The following URM1 variants were observed in gnomAD, a reference collection of about 807,000 sequenced individuals.
The protein encoded by URM1 is ubiquitin-related modifier 1.
URM1 carries 11 observed loss-of-function variants against 17.7 expected under a neutral mutation model. That is an observed-to-expected ratio of 0.62 (90% CI 0.39 to 1.03). The LOEUF is 1.03. Ranked by LOEUF, URM1 falls within the 50% of genes least tolerant of loss-of-function variation. The pLI, the probability that URM1 is intolerant of heterozygous loss-of-function variation, is 0.00. For missense variants in URM1, 128 were observed against 129.2 expected (o/e 0.99, Z 0.04); for synonymous variants, 48 against 50.6 (o/e 0.95, Z 0.22).
At chr9:128,378,235 G>A (rs759804508) in intron 2 of URM1, 129 bp downstream of exon 2, 1 of 663,626 alleles carries the variant, frequency 1.5e-6, no homozygotes, top group Non-Finnish European at 2.5e-6. Flanking sequence ...GCAGGCAGAG[G>A]AATAAAAACA....
At chr9:128,373,290 T>C (rs1046700316) in intron 1 of URM1, among the ~76,000 whole-genome samples, 1 of 151,814 alleles carries the variant, frequency 6.6e-6, no homozygotes, top group African/African-American at 2.4e-5. Context: ...GTTCCTTCTC[T>C]CTTTGTCCTT....
rs900482250 is a variant in URM1, at chr9:128,387,494, C to T, written c.107-322C>T. ...GCTTCCAGGACTTGTGGGTAGGGGC[C>T]TGTCTCCTAACCCTTTAGATGCGAC... On this transcript the variant is annotated intron_variant, in intron 2 of 4. Transcript: ENST00000372853. This position sits in a 1 kb window ranked among gnomAD's most constrained non-coding sequence, Gnocchi z 4.3. 1.3e-5 allele frequency among the ~76,000 whole-genome samples: 2 copies of T among 152,168 alleles called. No homozygotes were observed. The highest frequency in any genetic ancestry group is 4.8e-5 in the African/African-American group (2 of 41,428).
chr9:128,385,939 C>G (rs1007291761), intron 2 of URM1, among the ~76,000 whole-genome samples: 1 of 152,150 alleles, frequency 6.6e-6, no homozygotes, highest in Non-Finnish European at 1.5e-5. Flanking sequence ...TAAATGAGCC[C>G]GCACTGGGCA....
intron 1 of URM1, among the ~76,000 whole-genome samples, chr9:128,373,549 C>G (rs963481942): frequency 1.3e-5 from 2 of 152,174 alleles, no homozygotes; most frequent in African/African-American, 4.8e-5. Context: ...CACCTTCCTT[C>G]TTGTCAGTGA....
In URM1 at chr9:128,392,005, G is replaced by A. The variant is rs138173359; in HGVS notation, c.*2271G>A. ...TGAGGAAATAAACAAATAAAACCCC[G>A]CTATCTCCGAAGATTTTTCTTTAAT... On this transcript the variant is annotated 3_prime_UTR_variant, in exon 5 of 5. Transcript: ENST00000372853. The surrounding 1 kb of genome is among the most constrained non-coding windows in gnomAD (Gnocchi z 6.5). 6.6e-6 allele frequency: 1 copy of A among 152,388 alleles called. No individual in the cohort carries two copies. Among genetic ancestry groups the A allele is most frequent in the East Asian group, 1.9e-4 (1 of 5,178 alleles). 9.4% of individuals were successfully genotyped at this position (152,388 alleles called of 1,614,324 possible).
intron 2 of URM1, among the ~76,000 whole-genome samples, chr9:128,384,158 A>G (rs1833197114): frequency 6.6e-6 from 1 of 152,218 alleles, no homozygotes; most frequent in Non-Finnish European, 1.5e-5. Context: ...AAGGCCATCG[A>G]GCACACAGCC....
At chr9:128,378,009 G>A in intron 1 of URM1, 27 bp from the exon 2 acceptor site, 1 of 1,610,184 alleles carries the variant, frequency 6.2e-7, no homozygotes, top group Non-Finnish European at 8.5e-7. Context: ...TCACCTGGCT[G>A]TCTTTTTCTC....
At chr9:128,379,867 CTTTG>C (rs1210299945) in intron 2 of URM1, among the ~76,000 whole-genome samples, 5 of 152,066 alleles carry the variant, frequency 3.3e-5, no homozygotes, top group African/African-American at 1.2e-4. Context: ...AATCCTAACA[CTTTG>C]GGAGTCTGAG....
chr9:128,371,529 G>T (rs1833012556), intron 1 of URM1, 114 bp downstream of exon 1: 1 of 1,072,856 alleles, frequency 9.3e-7, no homozygotes, highest in Non-Finnish European at 1.4e-6. Context: ...CCCAGTGCCC[G>T]CTGTGAGCTA....
Position 128,387,672 on chromosome 9 carries a change from T to C in URM1, c.107-144T>C, listed in dbSNP as rs935222330. The C allele has an allele frequency of 1.0e-5, 14 of 1,372,660 alleles. No homozygotes were observed. The highest frequency in any genetic ancestry group is 1.2e-5 in the Non-Finnish European group (12 of 1,011,316). The allele number at this position is 1,372,660 out of a possible 1,614,324, so 85.0% of individuals were successfully genotyped here. ...AACCTGTTTCCTCACCTTTGGAATC[T>C]ACAAGTTCATGGGCTATCACAGCCT... On this transcript the variant is annotated intron_variant, in intron 2 of 4. Coordinates refer to ENST00000372853, the MANE Select transcript of URM1 (RefSeq NM_030914.4). This position sits in a 1 kb window ranked among gnomAD's most constrained non-coding sequence, Gnocchi z 4.3.
intron 3 of URM1, chr9:128,388,142 T>G: frequency 7.7e-7 from 1 of 1,306,754 alleles, no homozygotes; most frequent in Non-Finnish European, 9.7e-7. Flanking sequence ...GCCCTCTGGT[T>G]GCCACAGACT....
At chr9:128,377,991 G>A in intron 1 of URM1, 45 bp from the exon 2 acceptor site, 1 of 1,607,772 alleles carries the variant, frequency 6.2e-7, no homozygotes. Context: ...CTTCCTATTT[G>A]CAGGAGCTCA....
intron 3 of URM1, 128 bp downstream of exon 3, chr9:128,388,025 G>C: frequency 7.0e-7 from 1 of 1,422,846 alleles, no homozygotes; most frequent in Non-Finnish European, 9.2e-7. Flanking sequence ...AACTCTTCCA[G>C]CTCTGAGATC....
intron 2 of URM1, among the ~76,000 whole-genome samples, chr9:128,382,135 A>C (rs147270344): frequency 1.3e-5 from 2 of 152,220 alleles, no homozygotes; most frequent in Non-Finnish European, 1.5e-5. Context: ...TCTGGGAAGA[A>C]AGGAGGGGAG....
intron 1 of URM1, among the ~76,000 whole-genome samples, chr9:128,374,930 A>G (rs1193365635): frequency 1.3e-5 from 2 of 152,222 alleles, no homozygotes; most frequent in Admixed American, 6.5e-5. Flanking sequence ...GTGCTGGGAC[A>G]CAGAAATGAA....
intron 4 of URM1, 22 bp downstream of exon 4, chr9:128,389,331 C>T: frequency 1.2e-6 from 2 of 1,613,882 alleles, no homozygotes; most frequent in Non-Finnish European, 8.5e-7. Flanking sequence ...GGGGGACATC[C>T]CTCCCCCAGC....
intron 2 of URM1, among the ~76,000 whole-genome samples, chr9:128,382,035 C>A (rs964124358): frequency 6.6e-6 from 1 of 152,172 alleles, no homozygotes; most frequent in Admixed American, 6.5e-5. Context: ...CCCAGAGTTA[C>A]CCAAGTAGGG....
chr9:128,375,870 G>A (rs992041527), intron 1 of URM1, among the ~76,000 whole-genome samples: 1 of 151,954 alleles, frequency 6.6e-6, no homozygotes, highest in Non-Finnish European at 1.5e-5. Flanking sequence ...GGCCCCCAAA[G>A]TATTTTAATA....
At chr9:128,374,342 T>C (rs1833050545) in intron 1 of URM1, among the ~76,000 whole-genome samples, 1 of 152,168 alleles carries the variant, frequency 6.6e-6, no homozygotes, top group African/African-American at 2.4e-5. Flanking sequence ...CACCACCAGG[T>C]TTGGCCAGTC....
Sources: gnomAD v4.1 joint callset for allele counts (sites outside exome capture counted in the v4.1 genomes callset) on GRCh38, gnomAD v4.1.1 for gene constraint, Gnocchi (gnomAD v3.1) non-coding constraint, MANE v1.5 for transcripts, NCBI Gene and HGNC (gene_info 2026-07-23, HGNC 2026-07-21) for gene names.